The following LDB2 variants were observed in gnomAD, a reference collection of about 807,000 sequenced individuals.
LDB2 encodes LIM domain binding 2, also known as LIM domain-binding protein 2.
A neutral mutation model predicts 44.3 loss-of-function variants in LDB2; 12 were observed. That is an observed-to-expected ratio of 0.27 (90% CI 0.17 to 0.44). LDB2 has a LOEUF of 0.44. Ranked by LOEUF, LDB2 falls within the 20% of genes least tolerant of loss-of-function variation. The probability of loss-of-function intolerance (pLI) is 1.00; values close to 1 mark genes in which losing one functional copy is unlikely to be tolerated. For synonymous variants in LDB2, 164 were observed against 174.8 expected, an observed-to-expected ratio of 0.94 and a Z score of 0.49; for missense variants, 344 against 473.5, an observed-to-expected ratio of 0.73 and a Z score of 2.54.
intron 1 of LDB2, among the ~76,000 whole-genome samples, chr4:16,791,535 A>G (rs1561243768): frequency 9.3e-6 from 1 of 107,502 alleles, no homozygotes; most frequent in Non-Finnish European, 1.9e-5. Flanking sequence ...AGCCCGGGCA[A>G]CAGAGCGAGA....
At chr4:16,654,260 T>C (rs1414665624) in intron 2 of LDB2, among the ~76,000 whole-genome samples, 2 of 152,164 alleles carry the variant, frequency 1.3e-5, no homozygotes, top group Non-Finnish European at 2.9e-5. Context: ...GAGATTGGAG[T>C]TGATTTTTCC....
At position 16,586,013 on chromosome 4, in the gene LDB2, GAAAA is replaced by G; in HGVS notation, c.532-12_532-9del. 1 of 1,607,020 alleles carries G rather than the reference GAAAA, an allele frequency of 6.2e-7. No homozygotes were observed. The highest frequency in any genetic ancestry group is 8.5e-7 in the Non-Finnish European group (1 of 1,174,688). On this transcript the variant is annotated splice_polypyrimidine_tract_variant and intron_variant, in intron 4 of 7. Transcript: ENST00000304523. ...GACCTGAGGATCTTGTGCCTAAATG[GAAAA>G]AAAACCCCACATGTATTTTATCACT...
intron 2 of LDB2, among the ~76,000 whole-genome samples, chr4:16,629,629 C>A (rs943141791): frequency 3.3e-5 from 5 of 151,942 alleles, no homozygotes; most frequent in African/African-American, 1.2e-4. Context: ...TTGGTAATAA[C>A]AAATTTCTCC....
intron 1 of LDB2, among the ~76,000 whole-genome samples, chr4:16,865,062 C>T (rs1040133687): frequency 1.3e-5 from 2 of 152,008 alleles, no homozygotes; most frequent in African/African-American, 4.8e-5. Flanking sequence ...ACCCACCTGG[C>T]CAACATGGTG....
rs10516306 is a variant in LDB2, at chr4:16,726,995, T to A, written c.235+32163A>T. ...CAATGTTCACATTAACATGGGTCGG[T>A]TTGCTTTAGAAAAATGGTATAATTA... is the stretch of plus-strand genomic sequence containing the variant. On this transcript the variant is annotated intron_variant, in intron 2 of 7. Coordinates refer to ENST00000304523, the MANE Select transcript of LDB2 (RefSeq NM_001290.5). 9.4e-3 allele frequency among the ~76,000 whole-genome samples: 1,427 copies of A among 152,258 alleles called. 26 individuals are homozygous for A. The highest frequency in any genetic ancestry group is 0.03 in the African/African-American group (1,236 of 41,536).
intron 5 of LDB2, among the ~76,000 whole-genome samples, chr4:16,515,132 G>A (rs1477570026): frequency 6.6e-6 from 1 of 152,188 alleles, no homozygotes; most frequent in East Asian, 1.9e-4. Flanking sequence ...CATGTTCTTT[G>A]TAGTAACATG....
chr4:16,793,518 C>A (rs1197935948), intron 1 of LDB2, among the ~76,000 whole-genome samples: 1 of 152,156 alleles, frequency 6.6e-6, no homozygotes, highest in African/African-American at 2.4e-5. Flanking sequence ...TCGTGCAGGT[C>A]TTTACCCAAG....
intron 2 of LDB2, among the ~76,000 whole-genome samples, chr4:16,599,622 G>A (rs1344031824): frequency 6.6e-6 from 1 of 152,012 alleles, no homozygotes; most frequent in Non-Finnish European, 1.5e-5. Flanking sequence ...CTACAAGGGA[G>A]AGCAATAAAA....
chr4:16,607,519 C>A (rs1724265537), intron 2 of LDB2, among the ~76,000 whole-genome samples: 1 of 152,336 alleles, frequency 6.6e-6, no homozygotes, highest in Admixed American at 6.5e-5. Flanking sequence ...TCTCTAAACC[C>A]TAGTTTCTTC....
At chr4:16,621,475 A>C (rs1432674866) in intron 2 of LDB2, among the ~76,000 whole-genome samples, 2 of 152,220 alleles carry the variant, frequency 1.3e-5, no homozygotes, top group Non-Finnish European at 2.9e-5. Context: ...CGTGATCATA[A>C]AGGCAAGTTA....
chr4:16,671,668 G>A (rs908206648), intron 2 of LDB2, among the ~76,000 whole-genome samples: 1 of 152,096 alleles, frequency 6.6e-6, no homozygotes, highest in African/African-American at 2.4e-5. Flanking sequence ...GTCAGAAGGG[G>A]CCAGGTAGGT....
intron 5 of LDB2, among the ~76,000 whole-genome samples, chr4:16,531,645 A>G (rs993424297): frequency 1.3e-5 from 2 of 152,114 alleles, no homozygotes; most frequent in African/African-American, 4.8e-5. Context: ...GGCTTCTCAA[A>G]CCTTAATTGT....
At chr4:16,870,242 A>C (rs1451588421) in intron 1 of LDB2, among the ~76,000 whole-genome samples, 1 of 152,194 alleles carries the variant, frequency 6.6e-6, no homozygotes, top group Non-Finnish European at 1.5e-5. Context: ...ACATGGACGA[A>C]TTCAGTAGGC....
intron 1 of LDB2, among the ~76,000 whole-genome samples, chr4:16,808,169 C>T (rs540636041): frequency 6.7e-4 from 102 of 152,188 alleles, no homozygotes; most frequent in African/African-American, 2.0e-3. Context: ...GTCTCTCTTC[C>T]GATACGCCCC....
chr4:16,531,364 A>G (rs533327307), intron 5 of LDB2, among the ~76,000 whole-genome samples: 3 of 152,214 alleles, frequency 2.0e-5, no homozygotes, highest in African/African-American at 7.2e-5. Flanking sequence ...GGAAACAACA[A>G]TTTCTCATTC....
chr4:16,688,500 T>TA (rs1158779660), intron 2 of LDB2, among the ~76,000 whole-genome samples: 1 of 152,208 alleles, frequency 6.6e-6, no homozygotes, highest in Non-Finnish European at 1.5e-5. Flanking sequence ...TCCATTTTCT[T>TA]AAAAAAGCAC....
At chr4:16,561,633 G>T (rs1053071067) in intron 5 of LDB2, among the ~76,000 whole-genome samples, 1 of 152,086 alleles carries the variant, frequency 6.6e-6, no homozygotes, top group African/African-American at 2.4e-5. Flanking sequence ...CCTGAAAATG[G>T]CCATACTGCC....
At chr4:16,724,036 G>A (rs531241287) in intron 2 of LDB2, among the ~76,000 whole-genome samples, 60 of 152,264 alleles carry the variant, frequency 3.9e-4, no homozygotes, top group Non-Finnish European at 7.9e-4. Context: ...GCCTACAGCA[G>A]TGCCTAGTGC....
intron 1 of LDB2, among the ~76,000 whole-genome samples, chr4:16,894,764 C>A (rs1219491153): frequency 6.6e-6 from 1 of 152,120 alleles, no homozygotes; most frequent in African/African-American, 2.4e-5. Context: ...TTCAAATTCT[C>A]TCCTTTTGTC....
Sources: gnomAD v4.1 joint callset for allele counts (sites outside exome capture counted in the v4.1 genomes callset) on GRCh38, gnomAD v4.1.1 for gene constraint, MANE v1.5 for transcripts, NCBI Gene and HGNC (gene_info 2026-07-23, HGNC 2026-07-21) for gene names.